Variants in ZBTB44 observed in about 807,000 individuals in gnomAD.
ZBTB44 encodes the protein zinc finger and BTB domain-containing protein 44.
ZBTB44 carries 15 observed loss-of-function variants against 54.0 expected under a neutral mutation model. The ratio of observed to expected loss-of-function variants is 0.28; its 90% CI spans 0.19 to 0.43. The LOEUF is 0.43. Among genes scored for constraint, ZBTB44 ranks in the 20% least tolerant of loss-of-function variants. The pLI is 1.00. For missense variants in ZBTB44, 487 were observed against 707.1 expected (o/e 0.69, Z 3.53); for synonymous variants, 230 against 250.1 (o/e 0.92, Z 0.76).
At position 130,227,142 on chromosome 11, in the gene ZBTB44, T is replaced by C. The variant is rs976138163; in HGVS notation, c.*4622A>G. 1.3e-5 allele frequency: 2 copies of C among 152,184 alleles called. No individual in the cohort carries two copies. The highest frequency in any genetic ancestry group is 2.9e-5 in the Non-Finnish European group (2 of 68,038). 9.4% of individuals were successfully genotyped at this position (152,184 alleles called of 1,614,324 possible). ...ATATATATGTAGTCACCAAGAACTA[T>C]GGTTCCTGTAAAATACTAATAGCCA... On this transcript the variant is annotated 3_prime_UTR_variant, in exon 8 of 8. Transcript: ENST00000357899.
chr11:130,270,118 T>C (rs1271216983), intron 1 of ZBTB44, among the ~76,000 whole-genome samples: 3 of 152,210 alleles, frequency 2.0e-5, no homozygotes, highest in Non-Finnish European at 2.9e-5. Flanking sequence ...ACTGTTAACC[T>C]TGGAAGTAAT....
chr11:130,259,043 A>G (rs1213280882), intron 2 of ZBTB44, among the ~76,000 whole-genome samples: 4 of 152,230 alleles, frequency 2.6e-5, no homozygotes, highest in Admixed American at 2.6e-4. Flanking sequence ...CTCTTCAAGA[A>G]CTACAAACCA....
At chr11:130,236,612 C>T (rs1006678381) in intron 5 of ZBTB44, 181 bp downstream of exon 5, 11 of 517,200 alleles carry the variant, frequency 2.1e-5, no homozygotes, top group Admixed American at 4.1e-5. Flanking sequence ...ATTTTATATA[C>T]GTAGAAGACT....
rs1953770708 is a variant in ZBTB44 at position 130,228,706 on chromosome 11, T to C, written c.*3058A>G. On this transcript the variant is annotated 3_prime_UTR_variant, in exon 8 of 8. Coordinates refer to ENST00000357899, the MANE Select transcript of ZBTB44 (RefSeq NM_001301098.2). ...CATTCATTTATGGGATGATTTTTCA[T>C]CTGTTTTATTGAATAATGAAATCTA... is the stretch of plus-strand genomic sequence containing the variant. 1 of 152,206 alleles carries C rather than the reference T, an allele frequency of 6.6e-6. No individual in the cohort carries two copies. Among genetic ancestry groups the C allele is most frequent in the African/African-American group, 2.4e-5 (1 of 41,448 alleles). 9.4% of individuals were successfully genotyped at this position (152,206 alleles called of 1,614,324 possible).
rs71061377 is a variant in ZBTB44, at chr11:130,283,969, C to CAAAAAAAAAAAAAAAAAAAAAAA, written c.-56-22063_-56-22041dup. 3.3e-4 allele frequency among the ~76,000 whole-genome samples: 15 copies of CAAAAAAAAAAAAAAAAAAAAAAA among 45,172 alleles called. 3 individuals are homozygous for CAAAAAAAAAAAAAAAAAAAAAAA. Among genetic ancestry groups the CAAAAAAAAAAAAAAAAAAAAAAA allele is most frequent in the African/African-American group, 1.3e-3 (11 of 8,730 alleles). The allele number at this position is 45,172 out of a possible 152,430, so 29.6% of individuals were successfully genotyped here. On this transcript the variant is annotated intron_variant, in intron 1 of 7. Transcript: ENST00000357899. ...TGGGTGACAGAGTAAGACTCCATCT[C>CAAAAAAAAAAAAAAAAAAAAAAA]AAAAAAAAAAAAAAAAAAAAAAAAA...
chr11:130,247,612 T>C (rs1010990826), intron 2 of ZBTB44, among the ~76,000 whole-genome samples: 5 of 152,134 alleles, frequency 3.3e-5, no homozygotes, highest in African/African-American at 1.2e-4. Flanking sequence ...TGAACATAGG[T>C]TGGATTAGTT....
intron 1 of ZBTB44, among the ~76,000 whole-genome samples, chr11:130,281,489 T>TCC (rs1565673865): frequency 2.6e-5 from 4 of 151,384 alleles, no homozygotes; most frequent in African/African-American, 9.8e-5. Context: ...TACTGCACTC[T>TCC]AGCCTGGGCA....
intron 1 of ZBTB44, among the ~76,000 whole-genome samples, chr11:130,275,241 T>C (rs1376538498): frequency 6.6e-6 from 1 of 152,120 alleles, no homozygotes; most frequent in African/African-American, 2.4e-5. Context: ...TATAAGCATC[T>C]GTAACTATAA....
intron 1 of ZBTB44, among the ~76,000 whole-genome samples, chr11:130,280,690 A>G (rs1940436704): frequency 6.6e-6 from 1 of 152,258 alleles, no homozygotes; most frequent in Non-Finnish European, 1.5e-5. Context: ...AATTGGTAAC[A>G]GAAAGGTAAT....
At chr11:130,286,486 G>C (rs1940972695) in intron 1 of ZBTB44, among the ~76,000 whole-genome samples, 1 of 152,028 alleles carries the variant, frequency 6.6e-6, no homozygotes, top group Non-Finnish European at 1.5e-5. Context: ...TCTAATTCTA[G>C]ATCTGCCATA....
intron 1 of ZBTB44, chr11:130,296,793 A>G: frequency 5.2e-6 from 4 of 762,346 alleles, no homozygotes; most frequent in East Asian, 2.5e-5. Context: ...GGAAGCATAT[A>G]AGTCATACAT....
Position 130,228,640 on chromosome 11 carries a change from T to G in ZBTB44, c.*3124A>C, listed in dbSNP as rs541744199. The G allele has an allele frequency of 6.6e-6, 1 of 152,190 alleles. No individual in the cohort carries two copies. Among genetic ancestry groups the G allele is most frequent in the Non-Finnish European group, 1.5e-5 (1 of 68,030 alleles). 9.4% of individuals were successfully genotyped at this position (152,190 alleles called of 1,614,324 possible). A position where few individuals can be genotyped will look rare whatever the true frequency, so the allele number is the denominator to read the frequency against. On this transcript the variant is annotated 3_prime_UTR_variant, in exon 8 of 8. Transcript: ENST00000357899. The stretch of plus-strand genomic sequence containing the variant: ...ACAGGGCTCCCTTAAAGCAGGAAGA[T>G]TTATCCTTCCTCAGCAGGTGATGTA...
At chr11:130,287,391 T>A (rs1341172641) in intron 1 of ZBTB44, among the ~76,000 whole-genome samples, 3 of 152,228 alleles carry the variant, frequency 2.0e-5, no homozygotes, top group Non-Finnish European at 4.4e-5. Flanking sequence ...AATGGACTTG[T>A]GTGGTCATGT....
At chr11:130,237,694 T>A (rs140801572) in intron 4 of ZBTB44, among the ~76,000 whole-genome samples, 82 of 152,202 alleles carry the variant, frequency 5.4e-4, no homozygotes, top group African/African-American at 2.0e-3. Context: ...GGGGAAAAAA[T>A]TTTAAAACCT....
chr11:130,298,455 G>GTT (rs996057514), intron 1 of ZBTB44, among the ~76,000 whole-genome samples: 1,237 of 116,268 alleles, frequency 0.011, 15 homozygotes, highest in African/African-American at 0.035. Context: ...AAAAGTTGAA[G>GTT]TTTTTTTTTT....
At chr11:130,313,478 C>G (rs1345246371) in intron 1 of ZBTB44, among the ~76,000 whole-genome samples, 1 of 152,054 alleles carries the variant, frequency 6.6e-6, no homozygotes, top group Non-Finnish European at 1.5e-5. Flanking sequence ...ACTGACAGTC[C>G]AAGTGAAGTA....
intron 5 of ZBTB44, among the ~76,000 whole-genome samples, chr11:130,234,932 A>G (rs904436911): frequency 6.6e-6 from 1 of 152,224 alleles, no homozygotes; most frequent in African/African-American, 2.4e-5. Context: ...TATACTAAAA[A>G]CAGTGGCTAC....
intron 1 of ZBTB44, among the ~76,000 whole-genome samples, chr11:130,278,659 C>A (rs562914792): frequency 9.5e-4 from 144 of 152,270 alleles, no homozygotes; most frequent in Non-Finnish European, 1.8e-3. Context: ...TGCATAATTT[C>A]TATTGATCTA....
At chr11:130,312,556 C>G (rs1382339085) in intron 1 of ZBTB44, among the ~76,000 whole-genome samples, 1 of 152,018 alleles carries the variant, frequency 6.6e-6, no homozygotes, top group Non-Finnish European at 1.5e-5. Flanking sequence ...TAGGAGGGCA[C>G]AAATCCAGAA....
Sources: gnomAD v4.1 joint callset for allele counts (sites outside exome capture counted in the v4.1 genomes callset) on GRCh38, gnomAD v4.1.1 for gene constraint, MANE v1.5 for transcripts, NCBI Gene and HGNC (gene_info 2026-07-23, HGNC 2026-07-21) for gene names.